The following SULF1 variants were observed in gnomAD, a reference collection of about 807,000 sequenced individuals.
SULF1 encodes the protein sulfatase 1.
In SULF1, 46 loss-of-function variants were observed where a neutral mutation model predicts 110.5. That is an observed-to-expected ratio of 0.42 (90% CI 0.33 to 0.53). The LOEUF is 0.53. SULF1 is among the 20% of genes least tolerant of loss of function. The probability of loss-of-function intolerance (pLI) is 0.12; values close to 1 mark genes in which losing one functional copy is unlikely to be tolerated. For missense variants in SULF1, 941 were observed against 1,094.2 expected (o/e 0.86, Z 1.98); for synonymous variants, 371 against 387.1 (o/e 0.96, Z 0.49).
In SULF1 at chr8:69,487,083, A is replaced by G. The variant is rs1046108995; in HGVS notation, c.-390-8682A>G. Among the ~76,000 whole-genome samples the G allele has an allele frequency of 2.6e-5, 4 of 152,282 alleles. No individual in the cohort carries two copies. In the East Asian group the frequency reaches 5.8e-4, roughly 22 times the overall value. The stretch of plus-strand genomic sequence containing the variant: ...GTTTCCAGATTCTTCTTCAGTTCAA[A>G]CTGATTTTCACAAACTTGAATCTGC... On this transcript the variant is annotated intron_variant, in intron 1 of 22. Coordinates refer to the SULF1 transcript ENST00000260128.
chr8:69,603,595 T>C lies in SULF1; in HGVS notation c.1191-5T>C. ...CAAAAGTAAATATTATCATTTTGCT[T>C]TCAGGTTTCGAACAAACAAGAAGGC... On this transcript the variant is annotated splice_polypyrimidine_tract_variant and splice_region_variant and intron_variant, in intron 11 of 22. Transcript: ENST00000402687. 6.2e-7 allele frequency: 1 copy of C among 1,611,594 alleles called. No homozygotes were observed. The highest frequency in any genetic ancestry group is 1.1e-5 in the South Asian group (1 of 91,018).
At position 69,600,620 on chromosome 8, in the gene SULF1, A is replaced by C; in HGVS notation, c.752A>C (p.Tyr251Ser). The change falls in exon 9 of 23, where the codon TAT becomes TCT. Residue 251 changes from tyrosine to serine, a missense_variant. Physicochemically the swap from Tyr to Ser is moderately radical, Grantham distance 144. Transcript: ENST00000402687. ...ASQHITPSYN[Y>S]APNMDKHWIM... is the part of the protein sequence containing the mutation. ...ATTTTCAGAACTCCTAGTTATAACT[A>C]TGCACCAAATATGGATAAACACTGG... is the stretch of plus-strand genomic sequence containing the variant. 1.9e-6 allele frequency: 3 copies of C among 1,612,742 alleles called. No homozygotes were observed. Among genetic ancestry groups the C allele is most frequent in the Non-Finnish European group, 2.5e-6 (3 of 1,179,168 alleles).
At chr8:69,622,758 A>C (rs1326753697) in intron 14 of SULF1, among the ~76,000 whole-genome samples, 1 of 152,176 alleles carries the variant, frequency 6.6e-6, no homozygotes. Flanking sequence ...AGGCACAAAC[A>C]CAAGTCTAGG....
intron 1 of SULF1, among the ~76,000 whole-genome samples, chr8:69,472,744 C>T (rs1809135776): frequency 6.6e-6 from 1 of 152,192 alleles, no homozygotes; most frequent in Non-Finnish European, 1.5e-5. Context: ...TTGACACCAT[C>T]GTCACCTGTA....
chr8:69,623,015 G>A (rs1241715033), intron 14 of SULF1, among the ~76,000 whole-genome samples: 3 of 152,118 alleles, frequency 2.0e-5, no homozygotes, highest in African/African-American at 4.8e-5. Flanking sequence ...AAGGCCAGAC[G>A]AATATGCCTC....
At chr8:69,555,784 TTA>T (rs1356313642) in intron 3 of SULF1, among the ~76,000 whole-genome samples, 2 of 152,228 alleles carry the variant, frequency 1.3e-5, no homozygotes, top group Admixed American at 6.5e-5. Flanking sequence ...GATGGTATAT[TTA>T]TGTTTCGAAA....
At chr8:69,503,007 C>A (rs1230272374) in intron 3 of SULF1, among the ~76,000 whole-genome samples, 1 of 152,066 alleles carries the variant, frequency 6.6e-6, no homozygotes, top group African/African-American at 2.4e-5. Flanking sequence ...TTATTCTAAG[C>A]CTTCCGTTGG....
At chr8:69,538,313 A>G (rs2150662492) in intron 3 of SULF1, among the ~76,000 whole-genome samples, 1 of 137,810 alleles carries the variant, frequency 7.3e-6, no homozygotes. Context: ...TTGCTCAGAC[A>G]CATGCTTCTC....
At chr8:69,523,197 C>A (rs183081229) in intron 3 of SULF1, among the ~76,000 whole-genome samples, 3 of 152,160 alleles carry the variant, frequency 2.0e-5, no homozygotes, top group Non-Finnish European at 2.9e-5. Context: ...AGAGAATATG[C>A]AGAACCTATC....
At chr8:69,540,542 C>T (rs908703066) in intron 3 of SULF1, among the ~76,000 whole-genome samples, 7 of 152,218 alleles carry the variant, frequency 4.6e-5, no homozygotes, top group Non-Finnish European at 8.8e-5. Flanking sequence ...ATCCATCCCT[C>T]CTTCCCTGTA....
chr8:69,471,416 A>C (rs1809078238), intron 1 of SULF1, among the ~76,000 whole-genome samples: 1 of 152,088 alleles, frequency 6.6e-6, no homozygotes, highest in South Asian at 2.1e-4. Context: ...AAAAAAAATG[A>C]AACTCAGTGG....
rs776881738 is a variant in SULF1, at chr8:69,576,195, C to T, written c.398C>T (p.Thr133Ile). 1.2e-6 allele frequency: 2 copies of T among 1,614,120 alleles called. No homozygotes were observed. The highest frequency in any genetic ancestry group is 1.7e-6 in the Non-Finnish European group (2 of 1,179,996). ...PRTFAVYLNN[T>I]GYRTAFFGKY... The stretch of plus-strand genomic sequence containing the variant: ...ACTTTTGCTGTATATCTTAACAACA[C>T]TGGCTACAGAACAGGTAAGGGATGA... Residue 133 changes from threonine (T) to isoleucine (I), a missense_variant, in exon 6 of 23, where the codon ACT becomes ATT. This residue lies in a region of SULF1 where 822 missense variants were observed against 934.3 expected (regional missense o/e 0.88). Transcript: ENST00000402687.
chr8:69,653,270 A>G (rs1428613222), intron 22 of SULF1, among the ~76,000 whole-genome samples: 2 of 151,988 alleles, frequency 1.3e-5, no homozygotes, highest in Non-Finnish European at 2.9e-5. Context: ...AGTTCTTGCT[A>G]TGGTGCCCAG....
At chr8:69,646,637 T>TA (rs1385519995) in intron 22 of SULF1, among the ~76,000 whole-genome samples, 1 of 152,152 alleles carries the variant, frequency 6.6e-6, no homozygotes, top group Non-Finnish European at 1.5e-5. Flanking sequence ...ACAGAGTGAC[T>TA]AAATAACTTT....
chr8:69,552,189 G>A (rs184582241), intron 3 of SULF1, among the ~76,000 whole-genome samples: 17 of 152,296 alleles, frequency 1.1e-4, no homozygotes, highest in African/African-American at 3.4e-4. Context: ...CCTACTCCAC[G>A]TTATGAATTA....
chr8:69,628,139 G>A lies in SULF1; in HGVS notation c.2043-32G>A. ...ACACTTTGATCCAATGCAAGGCTAT[G>A]AAGTCTCACTTTTTAATCTTCTCTC... On this transcript the variant is annotated intron_variant, in intron 17 of 22. Coordinates refer to ENST00000402687, the MANE Select transcript of SULF1 (RefSeq NM_001128205.2). 5 of 1,556,924 alleles carry A rather than the reference G, an allele frequency of 3.2e-6. No homozygotes were observed. The East Asian group carries it at 6.7e-5, about 21-fold the overall frequency.
At chr8:69,546,633 A>G (rs149019609) in intron 3 of SULF1, among the ~76,000 whole-genome samples, 15 of 152,356 alleles carry the variant, frequency 9.8e-5, no homozygotes, top group African/African-American at 3.6e-4. Context: ...GTTAAAATCA[A>G]CGTATCTTCA....
At chr8:69,627,035 C>G (rs922888919) in intron 15 of SULF1, among the ~76,000 whole-genome samples, 175 bp from the exon 16 acceptor site, 1 of 152,216 alleles carries the variant, frequency 6.6e-6, no homozygotes, top group African/African-American at 2.4e-5. Flanking sequence ...GTCACGACTG[C>G]CAGCACGCTG....
At chr8:69,483,088 T>C (rs1809572285) in intron 1 of SULF1, among the ~76,000 whole-genome samples, 1 of 151,992 alleles carries the variant, frequency 6.6e-6, no homozygotes, top group African/African-American at 2.4e-5. Flanking sequence ...GTAGATTATA[T>C]GCAAATATTA....
Sources: gnomAD v4.1 joint callset for allele counts (sites outside exome capture counted in the v4.1 genomes callset) on GRCh38, gnomAD v4.1.1 for gene constraint, gnomAD v4.1.1 regional missense constraint, MANE v1.5 for transcripts, NCBI Gene and HGNC (gene_info 2026-07-23, HGNC 2026-07-21) for gene names.